Variants in MAPKAPK3 observed in about 807,000 individuals in gnomAD.
MAPKAPK3 encodes MAP kinase-activated protein kinase 3.
MAPKAPK3 carries 35 observed loss-of-function variants against 49.2 expected under a neutral mutation model. The ratio of observed to expected loss-of-function variants is 0.71; its 90% CI spans 0.54 to 0.94. The LOEUF (loss-of-function observed/expected upper bound fraction) is 0.94, where lower values mean the gene tolerates loss of function less well. Among genes scored for constraint, MAPKAPK3 ranks in the 40% least tolerant of loss-of-function variants. MAPKAPK3 has a pLI of 0.00. For synonymous variants in MAPKAPK3, 178 were observed against 188.7 expected (o/e 0.94, Z 0.46); for missense variants, 398 against 493.1 (o/e 0.81, Z 1.83).
chr3:50,619,272 CT>C (rs1439472940), intron 2 of MAPKAPK3, among the ~76,000 whole-genome samples: 1 of 152,178 alleles, frequency 6.6e-6, no homozygotes, highest in Non-Finnish European at 1.5e-5. Context: ...ACCCAGCTCT[CT>C]GTGTCTTTCC....
upstream of MAPKAPK3, chr3:50,617,063 T>A (rs1416300930): frequency 9.1e-6 from 1 of 109,346 alleles, no homozygotes; most frequent in Non-Finnish European, 1.8e-5. Flanking sequence ...CAAGTTGGGA[T>A]GACGCGCAGG....
upstream of MAPKAPK3, chr3:50,611,881 C>A (rs1403299192): frequency 2.7e-5 from 15 of 546,408 alleles, no homozygotes; most frequent in Non-Finnish European, 4.1e-5. Context: ...CCAGCCCTTC[C>A]CGGAAGCAGC....
intron 6 of MAPKAPK3, among the ~76,000 whole-genome samples, chr3:50,644,836 C>T (rs1474408277): frequency 6.6e-6 from 1 of 152,140 alleles, no homozygotes. Flanking sequence ...GGGACGGAGC[C>T]CAACCGCGGT....
At position 50,617,182 on chromosome 3, in the gene MAPKAPK3, G is replaced by C. The variant is rs1228195241; in HGVS notation, c.-112G>C. 6.1e-6 allele frequency: 1 copy of C among 162,802 alleles called. No individual in the cohort carries two copies. Among genetic ancestry groups the C allele is most frequent in the Non-Finnish European group, 1.3e-5 (1 of 75,394 alleles). The allele number at this position is 162,802 out of a possible 1,614,324, so 10.1% of individuals were successfully genotyped here. ...GGCCCTGGGATTTCTGCGGCCGCCA[G>C]CTCCCGCGACCGCCTCTCCTGCCCC... is the stretch of plus-strand genomic sequence containing the variant. On this transcript the variant is annotated 5_prime_UTR_variant, in exon 1 of 11. Coordinates refer to ENST00000621469, the MANE Select transcript of MAPKAPK3 (RefSeq NM_001243925.2).
rs779772290 is a variant in MAPKAPK3 at position 50,617,620 on chromosome 3, C to G, written c.55C>G (p.Pro19Ala). Reference protein sequence around the residue: ...QGGPVPPPVAPGGPGLGGAPG... With the variant: ...QGGPVPPPVAAGGPGLGGAPG... ...GGGCCCTGTGCCCCCGCCAGTTGCACCCGGCGGACCCGGCTTGGGCGGTGC... is the reference window on the plus strand; with the variant it reads ...GGGCCCTGTGCCCCCGCCAGTTGCAGCCGGCGGACCCGGCTTGGGCGGTGC... The change falls in exon 2 of 11, where the codon CCC becomes GCC. Residue 19 changes from proline to alanine, a missense_variant. Physicochemically the swap from Pro to Ala is conservative, Grantham distance 27. Transcript: ENST00000621469. 1 of 1,605,832 alleles carries G rather than the reference C, an allele frequency of 6.2e-7. No homozygotes were observed.
intron 10 of MAPKAPK3, 94 bp downstream of exon 10, chr3:50,647,297 C>A: frequency 9.8e-7 from 1 of 1,015,874 alleles, no homozygotes; most frequent in African/African-American, 1.6e-5. Context: ...GGGTCTTTGG[C>A]CCCTTTCTAT....
rs575127669 is a variant in MAPKAPK3, at chr3:50,638,570, G to T, written c.220-1796G>T. ...GAGCAGGGGCACAGAGCTGCTAGAG[G>T]GCTTGTCCAGCCCCTGGCTCTCTGT... On this transcript the variant is annotated intron_variant, in intron 2 of 10. Transcript: ENST00000621469. Among the ~76,000 whole-genome samples, 13 of 152,302 alleles carry T rather than the reference G, an allele frequency of 8.5e-5. No individual in the cohort carries two copies. The East Asian group carries it at 2.3e-3, about 27-fold the overall frequency.
chr3:50,626,323 A>T (rs1296714503), intron 2 of MAPKAPK3, among the ~76,000 whole-genome samples: 1 of 152,112 alleles, frequency 6.6e-6, no homozygotes, highest in African/African-American at 2.4e-5. Context: ...TATGAGGTGC[A>T]ACCTACCGCC....
intron 2 of MAPKAPK3, among the ~76,000 whole-genome samples, chr3:50,636,767 A>T (rs1193228774): frequency 6.6e-6 from 1 of 152,110 alleles, no homozygotes; most frequent in Non-Finnish European, 1.5e-5. Context: ...GGGAAGGAAG[A>T]TGAGAAAACT....
intron 2 of MAPKAPK3, among the ~76,000 whole-genome samples, chr3:50,618,897 G>A (rs2107571682): frequency 6.6e-6 from 1 of 152,300 alleles, no homozygotes; most frequent in East Asian, 1.9e-4. Flanking sequence ...CACCATGTTG[G>A]CCAGGATGGT....
At position 50,645,776 on chromosome 3, in the gene MAPKAPK3, T is replaced by G. The variant is rs375875691; in HGVS notation, c.695T>G (p.Met232Arg). ...SCDMWSLGVI[M>R]YILLCGFPPF... ...GACATGTGGTCCCTGGGTGTCATCA[T>G]GTACATCCTGTGAGTACCTTCCCCA... Residue 232 changes from methionine (M) to arginine (R), a missense_variant, in exon 7 of 11, where the codon ATG becomes AGG. Met to Arg is a moderately conservative substitution (Grantham distance 91). This residue lies in a region of MAPKAPK3 where 30 missense variants were observed against 70.5 expected (regional missense o/e 0.43). Coordinates refer to ENST00000621469, the MANE Select transcript of MAPKAPK3 (RefSeq NM_001243925.2). 7 of 1,613,996 alleles carry G rather than the reference T, an allele frequency of 4.3e-6. No homozygotes were observed. Among genetic ancestry groups the G allele is most frequent in the Non-Finnish European group, 5.9e-6 (7 of 1,179,982 alleles).
At chr3:50,623,929 C>T (rs965399768) in intron 2 of MAPKAPK3, among the ~76,000 whole-genome samples, 1 of 152,256 alleles carries the variant, frequency 6.6e-6, no homozygotes, top group African/African-American at 2.4e-5. Context: ...TACATCTGCT[C>T]AGTCCTCCTC....
intron 2 of MAPKAPK3, among the ~76,000 whole-genome samples, chr3:50,632,324 C>T (rs1260393334): frequency 6.6e-6 from 1 of 152,176 alleles, no homozygotes. Flanking sequence ...TTCCAGGAAG[C>T]TCAGAATTAT....
At chr3:50,611,926 C>CGGGCGGG (rs1559479905) in exon 1 of MAPKAPK3, 1 of 442,830 alleles carries the variant, frequency 2.3e-6, no homozygotes, top group Non-Finnish European at 3.9e-6. Context: ...CGGTGGGGCC[C>CGGGCGGG]GGGCGGGGTG....
chr3:50,643,584 C>G (rs1326150645), intron 5 of MAPKAPK3, among the ~76,000 whole-genome samples: 1 of 152,118 alleles, frequency 6.6e-6, no homozygotes, highest in Non-Finnish European at 1.5e-5. Flanking sequence ...CCTGTAAATC[C>G]TTGCTTTATT....
At chr3:50,620,165 G>A (rs2032575344) in intron 2 of MAPKAPK3, among the ~76,000 whole-genome samples, 1 of 152,148 alleles carries the variant, frequency 6.6e-6, no homozygotes, top group Admixed American at 6.5e-5. Context: ...TGGTAGCTGT[G>A]GCCACGAGGA....
intron 10 of MAPKAPK3, 25 bp downstream of exon 10, chr3:50,647,228 A>C: frequency 1.9e-6 from 3 of 1,559,312 alleles, no homozygotes; most frequent in Non-Finnish European, 2.6e-6. Flanking sequence ...CCTCAGTCTC[A>C]ATACAGGTGC....
intron 2 of MAPKAPK3, among the ~76,000 whole-genome samples, chr3:50,634,480 ATCT>A (rs200683226): frequency 0.014 from 2,042 of 147,768 alleles, 14 homozygotes; most frequent in Non-Finnish European, 0.02. Flanking sequence ...ATCCCCTCCT[ATCT>A]TCTTCTTCTT....
At chr3:50,647,581 C>T (rs924545117) in intron 10 of MAPKAPK3, among the ~76,000 whole-genome samples, 9 of 152,264 alleles carry the variant, frequency 5.9e-5, no homozygotes, top group African/African-American at 2.2e-4. Context: ...GGTTGCCCAG[C>T]GAGATGGCAT....
Sources: gnomAD v4.1 joint callset for allele counts (sites outside exome capture counted in the v4.1 genomes callset) on GRCh38, gnomAD v4.1.1 for gene constraint, gnomAD v4.1.1 regional missense constraint, MANE v1.5 for transcripts, NCBI Gene and HGNC (gene_info 2026-07-23, HGNC 2026-07-21) for gene names.